BRCC3: variants seen among roughly 807,000 people sequenced by gnomAD.
BRCC3 encodes BRCA1/BRCA2-containing complex subunit 3.
In BRCC3, 15 loss-of-function variants were observed where a neutral mutation model predicts 28.0. The observed-to-expected ratio is 0.54, with a 90% CI of 0.36 to 0.82. The LOEUF (loss-of-function observed/expected upper bound fraction) is 0.82, where lower values mean the gene tolerates loss of function less well. BRCC3 is among the 40% of genes least tolerant of loss of function. The pLI is 0.01. For missense variants in BRCC3, 109 were observed against 225.9 expected (o/e 0.48, Z 3.32); for synonymous variants, 66 against 80.3 (o/e 0.82, Z 0.95).
chrX:155,096,424 C>T (rs1472126745), intron 7 of BRCC3, among the ~76,000 whole-genome samples: 1 of 112,135 alleles, frequency 8.9e-6, no homozygotes, highest in African/African-American at 3.2e-5. Flanking sequence ...GTGAATTTCA[C>T]CTAAATTTTA....
At chrX:155,079,385 T>C (rs976991317) in intron 5 of BRCC3, among the ~76,000 whole-genome samples, 13 of 111,863 alleles carry the variant, frequency 1.2e-4, no homozygotes, top group Non-Finnish European at 2.4e-4. Context: ...AAGTCTGCTC[T>C]TCCCACTGTG....
In BRCC3 at chrX:155,075,289, T is replaced by TG. The variant is rs1569560416; in HGVS notation, c.195+1858_195+1859insG. On this transcript the variant is annotated intron_variant, in intron 3 of 10. Transcript: ENST00000330045. ...CATCTGATAATGCTAAGCCCACTCT[T>TG]TCCCCTGGCCCTTCTTGTTCTTCCC... Among the ~76,000 whole-genome samples, 6 of 49,977 alleles carry TG rather than the reference T, an allele frequency of 1.2e-4. No individual in the cohort carries two copies. The African/African-American group carries it at 2.5e-3, about 21-fold the overall frequency. 43.4% of individuals were successfully genotyped at this position (49,977 alleles called of 115,157 possible).
intron 7 of BRCC3, among the ~76,000 whole-genome samples, chrX:155,101,996 TGTCC>T (rs2074249715): frequency 8.9e-6 from 1 of 112,756 alleles, no homozygotes; most frequent in Non-Finnish European, 1.9e-5. Context: ...ATCAATAGTC[TGTCC>T]TTTTTATTAC....
chrX:155,105,449 C>T (rs1214032301), intron 7 of BRCC3, among the ~76,000 whole-genome samples: 1 of 111,533 alleles, frequency 9.0e-6, no homozygotes, highest in Non-Finnish European at 1.9e-5. Context: ...TGCCACTGCC[C>T]TCCAGCCTGG....
At chrX:155,075,267 C>T (rs1557293334) in intron 3 of BRCC3, among the ~76,000 whole-genome samples, 55 of 112,369 alleles carry the variant, frequency 4.9e-4, no homozygotes, top group African/African-American at 1.7e-3. Context: ...CCTTCAACAT[C>T]TGATAATGCT....
At chrX:155,082,393 G>GCT (rs1557294266) in intron 5 of BRCC3, among the ~76,000 whole-genome samples, 1 of 112,191 alleles carries the variant, frequency 8.9e-6, no homozygotes, top group Non-Finnish European at 1.9e-5. Flanking sequence ...TGGCAGTGGA[G>GCT]CGTGGAGGGG....
At chrX:155,083,760 A>G (rs1602771644) in intron 5 of BRCC3, among the ~76,000 whole-genome samples, 1 of 112,679 alleles carries the variant, frequency 8.9e-6, no homozygotes, top group Non-Finnish European at 1.9e-5. Context: ...CATCAATGGT[A>G]TCCATGTTGA....
At chrX:155,079,932 A>G (rs965691) in intron 5 of BRCC3, among the ~76,000 whole-genome samples, 52,534 of 110,236 alleles carry the variant, frequency 0.48, 11,854 homozygotes, top group African/African-American at 0.89. Flanking sequence ...CATAACCATG[A>G]TACATTTATA....
chrX:155,095,627 G>A lies in BRCC3; in HGVS notation c.548+4788G>A, dbSNP rs782325348. Among the ~76,000 whole-genome samples, 9 of 111,698 alleles carry A rather than the reference G, an allele frequency of 8.1e-5. No homozygotes were observed. The East Asian group carries it at 2.5e-3, about 31-fold the overall frequency. On this transcript the variant is annotated intron_variant, in intron 7 of 10. Coordinates refer to ENST00000330045, the MANE Select transcript of BRCC3 (RefSeq NM_001018055.3). ...AGAAAGAAACAATTTTTAATATAGT[G>A]TAGCCTAAGTGTTCAGTGTTATAAA...
intron 4 of BRCC3, 44 bp from the exon 5 acceptor site, chrX:155,078,572 A>T (rs1557293880): frequency 2.0e-6 from 2 of 983,148 alleles, no homozygotes; most frequent in East Asian, 6.5e-5. Flanking sequence ...TATTAGCATC[A>T]TAAATTTTGT....
chrX:155,105,365 C>T (rs1204421643), intron 7 of BRCC3, among the ~76,000 whole-genome samples: 3 of 111,513 alleles, frequency 2.7e-5, no homozygotes, highest in East Asian at 2.8e-4. Context: ...TGCCTGTAAT[C>T]CCAGCTACTC....
chrX:155,087,179 G>C (rs2124262889), intron 5 of BRCC3, among the ~76,000 whole-genome samples: 1 of 112,021 alleles, frequency 8.9e-6, no homozygotes, highest in Admixed American at 9.4e-5. Flanking sequence ...TCTCCCAAGG[G>C]GTAGACAATG....
At chrX:155,087,989 A>C (rs2074145780) in intron 5 of BRCC3, among the ~76,000 whole-genome samples, 1 of 112,624 alleles carries the variant, frequency 8.9e-6, no homozygotes, top group African/African-American at 3.2e-5. Context: ...TTAACTGATA[A>C]GGAAATAGGC....
At chrX:155,073,556 T>C (rs1002999430) in intron 3 of BRCC3, 125 bp downstream of exon 3, 1 of 810,475 alleles carries the variant, frequency 1.2e-6, no homozygotes, top group Admixed American at 3.2e-5. Context: ...TAAAATCAGA[T>C]GAAGAATCTA....
chrX:155,075,790 G>A (rs1366641499), intron 3 of BRCC3, among the ~76,000 whole-genome samples: 1 of 111,736 alleles, frequency 8.9e-6, no homozygotes, highest in African/African-American at 3.3e-5. Flanking sequence ...GCAAATTATG[G>A]CTTGGCATTT....
intron 7 of BRCC3, among the ~76,000 whole-genome samples, chrX:155,104,205 C>G (rs782016931): frequency 6.3e-5 from 7 of 111,473 alleles, no homozygotes; most frequent in Admixed American, 5.7e-4. Context: ...ATAGGTTGGA[C>G]TCTTCTGCTG....
chrX:155,105,216 C>T (rs1557297322), intron 7 of BRCC3, among the ~76,000 whole-genome samples: 1 of 112,197 alleles, frequency 8.9e-6, no homozygotes, highest in Non-Finnish European at 1.9e-5. Flanking sequence ...GGCACAGTGG[C>T]TCATGTCTGT....
intron 3 of BRCC3, among the ~76,000 whole-genome samples, chrX:155,074,930 T>G (rs1214469065): frequency 9.0e-6 from 1 of 111,619 alleles, no homozygotes; most frequent in Admixed American, 9.5e-5. Context: ...AAAACAAAAA[T>G]AAACCACAAA....
rs782331486 is a variant in BRCC3 at position 155,071,667 on chromosome X, G to A, written c.123+17G>A. On this transcript the variant is annotated intron_variant, in intron 1 of 10. Transcript: ENST00000330045. The stretch of plus-strand genomic sequence containing the variant: ...ATAGGGGAGGTGAGTAGGTCTGTTA[G>A]CCTGGATGGAACCCTGCTGAGCAGT... 1.6e-5 allele frequency: 19 copies of A among 1,201,056 alleles called. No homozygotes were observed. The highest frequency in any genetic ancestry group is 2.1e-5 in the Non-Finnish European group (19 of 889,769).
Sources: allele counts gnomAD v4.1 joint callset (sites outside exome capture counted in the v4.1 genomes callset), GRCh38; gene constraint gnomAD v4.1.1; transcripts MANE v1.5; gene names NCBI Gene and HGNC (gene_info 2026-07-23, HGNC 2026-07-21).